Variants in SERINC5 observed in about 807,000 individuals in gnomAD.
SERINC5 encodes chromosome 5 open reading frame 12.
SERINC5 carries 41 observed loss-of-function variants against 63.1 expected under a neutral mutation model. The ratio of observed to expected loss-of-function variants is 0.65; its 90% CI spans 0.51 to 0.84. The LOEUF (loss-of-function observed/expected upper bound fraction) is 0.84. Among genes scored for constraint, SERINC5 ranks in the 40% least tolerant of loss-of-function variants. The probability of loss-of-function intolerance (pLI) is 0.00; values close to 1 mark genes in which losing one functional copy is unlikely to be tolerated. For missense variants in SERINC5, 523 were observed against 573.0 expected (o/e 0.91, Z 0.89); for synonymous variants, 222 against 215.2 (o/e 1.03, Z -0.28).
downstream of SERINC5, among the ~76,000 whole-genome samples, chr5:80,137,968 T>C (rs911324782): frequency 2.0e-5 from 3 of 151,766 alleles, no homozygotes; most frequent in East Asian, 5.8e-4. Context: ...ATATACACAA[T>C]AAAAAATTCA....
chr5:80,195,292 A>AG, intron 2 of SERINC5, among the ~76,000 whole-genome samples: 1 of 152,186 alleles, frequency 6.6e-6, no homozygotes, highest in Non-Finnish European at 1.5e-5. Flanking sequence ...GTCGCAAAAA[A>AG]AAAAAAAAAA....
chr5:80,137,534 C>T (rs1448919116), downstream of SERINC5, among the ~76,000 whole-genome samples: 1 of 150,676 alleles, frequency 6.6e-6, no homozygotes, highest in African/African-American at 2.4e-5. Context: ...AGCTGCTACT[C>T]GGGAGGCTGA....
chr5:80,207,192 G>A (rs1010152867), intron 1 of SERINC5, among the ~76,000 whole-genome samples: 2 of 152,034 alleles, frequency 1.3e-5, no homozygotes, highest in African/African-American at 4.8e-5. Flanking sequence ...TAGAAATGGG[G>A]TTTCACTGTG....
At chr5:80,201,443 T>C (rs10055092) in intron 2 of SERINC5, among the ~76,000 whole-genome samples, 21,781 of 152,200 alleles carry the variant, frequency 0.14, 1,701 homozygotes, top group African/African-American at 0.19. Context: ...TCCCGGGCAC[T>C]GATGGTGCCC....
At chr5:80,138,013 A>G (rs1745284214), downstream of SERINC5, among the ~76,000 whole-genome samples, 1 of 152,150 alleles carries the variant, frequency 6.6e-6, no homozygotes, top group Admixed American at 6.5e-5. Context: ...AATATGCAAC[A>G]ATTTGGAGGA....
chr5:80,133,662 C>T (rs756035435), intron 11 of SERINC5, among the ~76,000 whole-genome samples: 56 of 152,194 alleles, frequency 3.7e-4, no homozygotes, highest in Non-Finnish European at 5.9e-4. Context: ...ATGCTGTAAC[C>T]GCCCAACGAA....
intron 1 of SERINC5, among the ~76,000 whole-genome samples, chr5:80,213,753 A>T (rs1750540143): frequency 6.6e-6 from 1 of 151,982 alleles, no homozygotes; most frequent in African/African-American, 2.4e-5. Context: ...CAGCTCAACC[A>T]CCGCAATCAC....
chr5:80,137,154 A>AAAAAAAAAAC (rs1314165905), downstream of SERINC5, among the ~76,000 whole-genome samples: 57 of 115,400 alleles, frequency 4.9e-4, no homozygotes, highest in African/African-American at 1.7e-3. Flanking sequence ...AAAAAAAAAA[A>AAAAAAAAAAC]AAAAAAAAAC....
chr5:80,235,765 T>C (rs964385547), intron 1 of SERINC5, among the ~76,000 whole-genome samples: 4 of 152,192 alleles, frequency 2.6e-5, no homozygotes, highest in African/African-American at 9.6e-5. Context: ...CCTGGCTGAA[T>C]TGTAGTTCTT....
chr5:80,170,004 A>G (rs935782417), intron 5 of SERINC5, among the ~76,000 whole-genome samples: 11 of 152,154 alleles, frequency 7.2e-5, no homozygotes, highest in Non-Finnish European at 1.6e-4. Context: ...AAAGGGGAGA[A>G]GGCACGCAGG....
chr5:80,195,414 A>G (rs945566729), intron 2 of SERINC5, among the ~76,000 whole-genome samples: 7 of 152,134 alleles, frequency 4.6e-5, no homozygotes, highest in Admixed American at 3.9e-4. Flanking sequence ...TCCTAAAAAG[A>G]TCATTGTTTT....
chr5:80,202,519 C>T (rs945347243), intron 2 of SERINC5, among the ~76,000 whole-genome samples: 4 of 151,950 alleles, frequency 2.6e-5, no homozygotes, highest in Non-Finnish European at 4.4e-5. Context: ...GTGTTATTCC[C>T]GGGATGGATG....
At chr5:80,112,356 C>A (rs996745873) in intron 12 of SERINC5, among the ~76,000 whole-genome samples, 1 of 152,178 alleles carries the variant, frequency 6.6e-6, no homozygotes, top group African/African-American at 2.4e-5. Context: ...TAGTACCTTC[C>A]CTTGAACTTA....
chr5:80,226,345 T>C (rs1328199708), intron 1 of SERINC5, among the ~76,000 whole-genome samples: 3 of 152,238 alleles, frequency 2.0e-5, no homozygotes, highest in African/African-American at 7.2e-5. Context: ...TGAGGAAATC[T>C]GAGTCTCAGA....
At chr5:80,156,982 GTTT>G (rs1176389112) in intron 8 of SERINC5, 4 of 136,724 alleles carry the variant, frequency 2.9e-5, no homozygotes, top group African/African-American at 1.1e-4. Context: ...TATTTAAAGG[GTTT>G]TTTTTTTCTT....
chr5:80,244,108 C>T (rs1752062160), intron 1 of SERINC5, among the ~76,000 whole-genome samples: 1 of 152,076 alleles, frequency 6.6e-6, no homozygotes, highest in South Asian at 2.1e-4. Context: ...TCTGTGCTTC[C>T]TTTTATCTTA....
chr5:80,174,369 A>AAATAATAATAATAATAATAATAATAAT (rs55865818), intron 5 of SERINC5, among the ~76,000 whole-genome samples: 1 of 131,718 alleles, frequency 7.6e-6, no homozygotes, highest in African/African-American at 2.9e-5. Context: ...CCCATCTCAA[A>AAATAATAATAATAATAATAATAATAAT]AATAATAATA....
At chr5:80,159,644 G>A (rs1746762085) in intron 7 of SERINC5, among the ~76,000 whole-genome samples, 1 of 152,162 alleles carries the variant, frequency 6.6e-6, no homozygotes, top group Non-Finnish European at 1.5e-5. Flanking sequence ...GGATTAGAGG[G>A]CTGGGACTTT....
chr5:80,206,611 G>A lies in SERINC5; in HGVS notation c.28-3558C>T, dbSNP rs557952237. Among the ~76,000 whole-genome samples the A allele has an allele frequency of 2.6e-5, 4 of 152,266 alleles. No homozygotes were observed. The South Asian group carries it at 8.3e-4, about 32-fold the overall frequency. On this transcript the variant is annotated intron_variant, in intron 1 of 11. Coordinates refer to ENST00000507668, the MANE Select transcript of SERINC5 (RefSeq NM_001174072.3). ...AAGTGGTATCCTAACATTACTGCATGTGTGGGTGTTTTATGGGCCACTTTC... is the reference window on the plus strand; with the variant it reads ...AAGTGGTATCCTAACATTACTGCATATGTGGGTGTTTTATGGGCCACTTTC...
Sources: gnomAD v4.1 joint callset for allele counts (sites outside exome capture counted in the v4.1 genomes callset) on GRCh38, gnomAD v4.1.1 for gene constraint, MANE v1.5 for transcripts, NCBI Gene and HGNC (gene_info 2026-07-23, HGNC 2026-07-21) for gene names.